CLNK: variants seen among roughly 807,000 people sequenced by gnomAD.
The protein encoded by CLNK is cytokine dependent hematopoietic cell linker, also known as cytokine-dependent hematopoietic cell linker.
A neutral mutation model predicts 68.6 loss-of-function variants in CLNK; 74 were observed. The observed-to-expected ratio is 1.08, with a 90% CI of 0.89 to 1.31. The LOEUF is 1.31. CLNK is among the 50% of genes most tolerant of loss of function. The pLI is 0.00. For missense variants in CLNK, 553 were observed against 515.3 expected, an observed-to-expected ratio of 1.07 and a Z score of -0.71; for synonymous variants, 198 against 172.2, an observed-to-expected ratio of 1.15 and a Z score of -1.17.
intron 1 of CLNK, among the ~76,000 whole-genome samples, chr4:10,677,616 C>T (rs1033847307): frequency 5.3e-5 from 8 of 151,926 alleles, no homozygotes; most frequent in Admixed American, 1.3e-4. Context: ...CTCACAAGAT[C>T]TGATGGTTTT....
intron 3 of CLNK, among the ~76,000 whole-genome samples, chr4:10,587,133 T>A (rs752049600): frequency 6.6e-6 from 1 of 152,036 alleles, no homozygotes; most frequent in Non-Finnish European, 1.5e-5. Flanking sequence ...CTGGGCTAAT[T>A]TTTTGTATTT....
intron 5 of CLNK, among the ~76,000 whole-genome samples, chr4:10,569,909 A>G (rs1436120540): frequency 2.0e-5 from 3 of 152,218 alleles, no homozygotes; most frequent in Non-Finnish European, 2.9e-5. Flanking sequence ...GCAGGAACTC[A>G]GTACCTGTTG....
intron 3 of CLNK, among the ~76,000 whole-genome samples, chr4:10,589,365 C>T (rs1259371313): frequency 2.6e-5 from 4 of 152,168 alleles, no homozygotes; most frequent in Non-Finnish European, 4.4e-5. Context: ...TGTCTGGGAG[C>T]TTCCTCCCAA....
intron 2 of CLNK, among the ~76,000 whole-genome samples, chr4:10,637,759 TA>T (rs1723151022): frequency 7.8e-6 from 1 of 128,138 alleles, no homozygotes; most frequent in African/African-American, 3.5e-5. Context: ...CAGGCCCAGC[TA>T]ATTTTTTTTT....
At chr4:10,543,548 G>A (rs1318243481) in intron 8 of CLNK, among the ~76,000 whole-genome samples, 2 of 152,112 alleles carry the variant, frequency 1.3e-5, no homozygotes, top group Non-Finnish European at 2.9e-5. Flanking sequence ...AGGGGGACTG[G>A]TTACTGGTTC....
chr4:10,491,581 A>G (rs1390330192), intron 18 of CLNK, among the ~76,000 whole-genome samples: 1 of 152,224 alleles, frequency 6.6e-6, no homozygotes, highest in Non-Finnish European at 1.5e-5. Context: ...TGACAATTTA[A>G]CGGAAAGTAA....
At chr4:10,687,154 C>T (rs1202517967), upstream of CLNK, among the ~76,000 whole-genome samples, 2 of 151,772 alleles carry the variant, frequency 1.3e-5, no homozygotes, top group Non-Finnish European at 2.9e-5. Flanking sequence ...ATATTTACAT[C>T]CTCTACCTAC....
chr4:10,602,843 T>G (rs1721640515), intron 2 of CLNK, among the ~76,000 whole-genome samples: 3 of 152,160 alleles, frequency 2.0e-5, no homozygotes, highest in Non-Finnish European at 4.4e-5. Flanking sequence ...AAGAAGCTGG[T>G]CAAATATTTA....
At chr4:10,602,713 G>A (rs1721635019) in intron 2 of CLNK, among the ~76,000 whole-genome samples, 1 of 152,134 alleles carries the variant, frequency 6.6e-6, no homozygotes, top group Admixed American at 6.6e-5. Context: ...GGAAAGACAT[G>A]CACTAAACAT....
intron 8 of CLNK, among the ~76,000 whole-genome samples, chr4:10,550,296 A>G (rs1719395616): frequency 6.6e-6 from 1 of 152,170 alleles, no homozygotes; most frequent in Non-Finnish European, 1.5e-5. Context: ...GATCGAGACC[A>G]TCCTGGCTAA....
At position 10,551,075 on chromosome 4, in the gene CLNK, G is replaced by A. The variant is rs558379870; in HGVS notation, c.445+7332C>T. ...ATCGTGCCGCTCAGAAACAGCATGC[G>A]AGTTAACATTTATGAATTATGTATT... On this transcript the variant is annotated intron_variant, in intron 8 of 18. Transcript: ENST00000226951. Among the ~76,000 whole-genome samples the A allele has an allele frequency of 7.2e-5, 11 of 152,212 alleles. No individual in the cohort carries two copies. In the South Asian group the frequency reaches 8.3e-4, roughly 11 times the overall value.
chr4:10,649,314 T>A (rs544723047), intron 2 of CLNK, among the ~76,000 whole-genome samples: 1 of 152,276 alleles, frequency 6.6e-6, no homozygotes, highest in East Asian at 1.9e-4. Context: ...AGTTAATAGA[T>A]GCCAAAAGCA....
chr4:10,561,310 A>G (rs1473014391), intron 7 of CLNK, among the ~76,000 whole-genome samples: 1 of 152,166 alleles, frequency 6.6e-6, no homozygotes, highest in African/African-American at 2.4e-5. Context: ...ACATAATTTC[A>G]TTTGACTTAA....
rs148402458 is a variant in CLNK, at chr4:10,623,893, T to C, written c.12-25844A>G. Among the ~76,000 whole-genome samples, 560 of 152,270 alleles carry C rather than the reference T, an allele frequency of 3.7e-3. 6 individuals carry two copies. The highest frequency in any genetic ancestry group is 0.013 in the African/African-American group (540 of 41,550). ...ATGTCTTCTCTTAAACGGTAAGAAA[T>C]GTGCATGACTGAAGAAAGATAAGAA... On this transcript the variant is annotated intron_variant, in intron 2 of 18. Transcript: ENST00000226951.
intron 2 of CLNK, among the ~76,000 whole-genome samples, chr4:10,618,554 C>G (rs1336982424): frequency 6.6e-6 from 1 of 152,170 alleles, no homozygotes; most frequent in Non-Finnish European, 1.5e-5. Flanking sequence ...TATTCTTGCA[C>G]TGCTATAAAG....
rs1257887645 is a variant in CLNK at position 10,529,151 on chromosome 4, CA to C, written c.631-1058del. Among the ~76,000 whole-genome samples the C allele has an allele frequency of 5.3e-5, 8 of 152,260 alleles. No individual in the cohort carries two copies. The East Asian group carries it at 1.5e-3, about 29-fold the overall frequency. Reference sequence around the variant, plus strand: ...TCATTTAGATAAGAACTGCTTTAACCAGGGGGATGAAAGAGATCATTGAATG... The same window carrying C: ...TCATTTAGATAAGAACTGCTTTAACCGGGGGATGAAAGAGATCATTGAATG... On this transcript the variant is annotated intron_variant, in intron 12 of 18. Coordinates refer to ENST00000226951, the MANE Select transcript of CLNK (RefSeq NM_052964.4).
intron 10 of CLNK, among the ~76,000 whole-genome samples, chr4:10,541,225 A>AC (rs1027569852): frequency 2.4e-4 from 37 of 151,484 alleles, no homozygotes; most frequent in African/African-American, 8.0e-4. Context: ...AAAAAAACAA[A>AC]AAAAAAAAAA....
At chr4:10,528,566 C>T (rs1718417459) in intron 12 of CLNK, among the ~76,000 whole-genome samples, 2 of 152,100 alleles carry the variant, frequency 1.3e-5, no homozygotes, top group South Asian at 4.1e-4. Flanking sequence ...GTGCTATACT[C>T]ACTTATTGGA....
chr4:10,507,996 C>T lies in CLNK; in HGVS notation c.947G>A (p.Arg316His), dbSNP rs553669861. 17 of 1,610,544 alleles carry T rather than the reference C, an allele frequency of 1.1e-5. No homozygotes were observed. Among genetic ancestry groups the T allele is most frequent in the African/African-American group, 4.0e-5 (3 of 74,896 alleles). ...HNEWYIGEYS[R>H]QAVEEAFMKE... is the part of the protein sequence containing the mutation. ...CATGAATGCCTCTTCCACTGCCTGG[C>T]GGCTGTATTCTCCAATGTACCATTC... The change falls in exon 17 of 19, where the codon CGC (arginine) becomes CAC (histidine). Residue 316 changes from arginine to histidine, a missense_variant. Transcript: ENST00000226951.
Sources: gnomAD v4.1 joint callset for allele counts (sites outside exome capture counted in the v4.1 genomes callset) on GRCh38, gnomAD v4.1.1 for gene constraint, MANE v1.5 for transcripts, NCBI Gene and HGNC (gene_info 2026-07-23, HGNC 2026-07-21) for gene names.